CEP128: variants seen among roughly 807,000 people sequenced by gnomAD.
CEP128 encodes the protein centrosomal protein 128kDa.
CEP128 carries 132 observed loss-of-function variants against 156.7 expected under a neutral mutation model. That is an observed-to-expected ratio of 0.84 (90% CI 0.73 to 0.97). The LOEUF (loss-of-function observed/expected upper bound fraction) is 0.97, where lower values mean the gene tolerates loss of function less well. Among genes scored for constraint, CEP128 ranks in the 50% least tolerant of loss-of-function variants. The pLI, the probability that CEP128 is intolerant of heterozygous loss-of-function variation, is 0.00. For missense variants in CEP128, 1,252 were observed against 1,281.9 expected, an observed-to-expected ratio of 0.98 and a Z score of 0.36; for synonymous variants, 469 against 448.9, an observed-to-expected ratio of 1.04 and a Z score of -0.57.
At chr14:80,591,851 C>T (rs1244240409) in intron 19 of CEP128, among the ~76,000 whole-genome samples, 1 of 152,178 alleles carries the variant, frequency 6.6e-6, no homozygotes, top group Non-Finnish European at 1.5e-5. Flanking sequence ...GATTAAGAAA[C>T]TCACTCAAAA....
intron 19 of CEP128, among the ~76,000 whole-genome samples, chr14:80,602,586 A>G (rs1210054190): frequency 1.3e-5 from 2 of 152,142 alleles, no homozygotes; most frequent in African/African-American, 4.8e-5. Context: ...CCTGGCTAAC[A>G]CCATGAAACT....
intron 16 of CEP128, among the ~76,000 whole-genome samples, chr14:80,774,633 GTGTA>G (rs1250003532): frequency 3.3e-5 from 5 of 151,894 alleles, no homozygotes; most frequent in African/African-American, 7.3e-5. Flanking sequence ...GTGCGTGTGT[GTGTA>G]TGTGTGTGTG....
intron 19 of CEP128, among the ~76,000 whole-genome samples, chr14:80,650,344 CA>C (rs1382397796): frequency 1.3e-5 from 2 of 152,130 alleles, no homozygotes; most frequent in Non-Finnish European, 2.9e-5. Flanking sequence ...TCTTAATATA[CA>C]ATCATGTCAT....
At chr14:80,933,926 T>C (rs758845074) in intron 2 of CEP128, among the ~76,000 whole-genome samples, 3 of 152,170 alleles carry the variant, frequency 2.0e-5, no homozygotes, top group Non-Finnish European at 4.4e-5. Context: ...TATTTATGTG[T>C]GGGAAATAAG....
chr14:80,822,757 C>A, intron 13 of CEP128: 1 of 785,532 alleles, frequency 1.3e-6, no homozygotes, highest in Non-Finnish European at 2.3e-6. Context: ...CCAAAACAGA[C>A]CAGGCACATA....
At chr14:80,568,410 T>G (rs1323999743) in intron 20 of CEP128, among the ~76,000 whole-genome samples, 1 of 152,200 alleles carries the variant, frequency 6.6e-6, no homozygotes, top group African/African-American at 2.4e-5. Context: ...TTTGGGCAAT[T>G]CCAGTAATCC....
intron 2 of CEP128, among the ~76,000 whole-genome samples, chr14:80,935,594 AT>A (rs1885742206): frequency 6.8e-6 from 1 of 147,028 alleles, no homozygotes; most frequent in East Asian, 2.0e-4. Flanking sequence ...AAATAAATAA[AT>A]AAATAAAAAT....
intron 19 of CEP128, among the ~76,000 whole-genome samples, chr14:80,676,813 A>T (rs540777234): frequency 4.6e-5 from 7 of 152,312 alleles, no homozygotes; most frequent in African/African-American, 1.7e-4. Flanking sequence ...TTAATTAATT[A>T]ATGTGGTAAA....
chr14:80,934,883 A>C (rs1885694277), intron 2 of CEP128, among the ~76,000 whole-genome samples: 1 of 152,232 alleles, frequency 6.6e-6, no homozygotes, highest in South Asian at 2.1e-4. Context: ...GCTTACATTT[A>C]TACAAAGGCA....
chr14:80,728,731 CTCTG>C (rs1347824935), intron 19 of CEP128, among the ~76,000 whole-genome samples: 1 of 152,046 alleles, frequency 6.6e-6, no homozygotes, highest in Non-Finnish European at 1.5e-5. Flanking sequence ...TAGATTATGT[CTCTG>C]TCTGGATTAA....
At chr14:80,592,180 A>G (rs2140489461) in intron 19 of CEP128, among the ~76,000 whole-genome samples, 1 of 152,274 alleles carries the variant, frequency 6.6e-6, no homozygotes, top group East Asian at 1.9e-4. Context: ...GGAGACAGAG[A>G]CATGAAAAAC....
intron 16 of CEP128, among the ~76,000 whole-genome samples, chr14:80,775,947 C>T (rs866020101): frequency 6.6e-6 from 1 of 152,198 alleles, no homozygotes; most frequent in African/African-American, 2.4e-5. Context: ...GATTCTCCTG[C>T]CTCAGCCACC....
At chr14:80,712,297 C>G (rs1209563634) in intron 19 of CEP128, among the ~76,000 whole-genome samples, 3 of 152,136 alleles carry the variant, frequency 2.0e-5, no homozygotes, top group African/African-American at 7.2e-5. Context: ...TACATCCAGG[C>G]AGGCTGTCCT....
chr14:80,838,825 CA>C (rs1886212307), intron 10 of CEP128, among the ~76,000 whole-genome samples: 1 of 152,090 alleles, frequency 6.6e-6, no homozygotes, highest in Non-Finnish European at 1.5e-5. Flanking sequence ...CAGAATGAGA[CA>C]TTTAAAATTT....
intron 19 of CEP128, among the ~76,000 whole-genome samples, chr14:80,597,234 T>C (rs1039025509): frequency 3.9e-5 from 6 of 152,046 alleles, no homozygotes; most frequent in Admixed American, 3.9e-4. Context: ...AAAACACAAT[T>C]ACCAACGTTA....
intron 21 of CEP128, among the ~76,000 whole-genome samples, chr14:80,544,396 T>C (rs1889893593): frequency 1.3e-5 from 2 of 152,306 alleles, no homozygotes; most frequent in South Asian, 2.1e-4. Context: ...CCAGCAGATC[T>C]TGTGTCTGGT....
intron 13 of CEP128, among the ~76,000 whole-genome samples, chr14:80,795,089 T>C (rs1381406610): frequency 6.6e-6 from 1 of 152,202 alleles, no homozygotes; most frequent in African/African-American, 2.4e-5. Context: ...AGCTAATAAG[T>C]GAGGGCATAG....
chr14:80,876,415 A>G (rs1324236307), intron 8 of CEP128, among the ~76,000 whole-genome samples: 2 of 151,904 alleles, frequency 1.3e-5, no homozygotes, highest in Non-Finnish European at 2.9e-5. Flanking sequence ...GGCTAACATG[A>G]TGAAACCCCA....
intron 13 of CEP128, among the ~76,000 whole-genome samples, chr14:80,815,030 C>T (rs888188754): frequency 6.6e-6 from 1 of 152,166 alleles, no homozygotes; most frequent in Admixed American, 6.5e-5. Context: ...TGCACTCCAG[C>T]CTTGGCAACA....
Sources: gnomAD v4.1 joint callset for allele counts (sites outside exome capture counted in the v4.1 genomes callset) on GRCh38, gnomAD v4.1.1 for gene constraint, MANE v1.5 for transcripts, NCBI Gene and HGNC (gene_info 2026-07-23, HGNC 2026-07-21) for gene names.